ITGA7: variants seen among roughly 807,000 people sequenced by gnomAD.
The protein encoded by ITGA7 is integrin alpha-7.
In ITGA7, 84 loss-of-function variants were observed where a neutral mutation model predicts 131.6. That is an observed-to-expected ratio of 0.64 (90% CI 0.54 to 0.77). The LOEUF (loss-of-function observed/expected upper bound fraction) is 0.77, where lower values mean the gene tolerates loss of function less well. Among genes scored for constraint, ITGA7 ranks in the 30% least tolerant of loss-of-function variants. The pLI, the probability that ITGA7 is intolerant of heterozygous loss-of-function variation, is 0.00. For synonymous variants in ITGA7, 548 were observed against 600.7 expected (o/e 0.91, Z 1.28); for missense variants, 1,399 against 1,482.9 (o/e 0.94, Z 0.93).
chr12:55,707,945 CCG>C, upstream of ITGA7: 1 of 1,348,850 alleles, frequency 7.4e-7, no homozygotes, highest in Non-Finnish European at 9.5e-7. Flanking sequence ...CACTCAGGCC[CCG>C]CCTCCGGCCC....
chr12:55,707,757 C>A lies in ITGA7; in HGVS notation c.-75G>T. ...GCCCCAAGCCCCAGGTCCCCCCAGG[C>A]GCGTCTCTGGTCTCCAAAGTCTCGT... is the stretch of plus-strand genomic sequence containing the variant. On this transcript the variant is annotated 5_prime_UTR_variant, in exon 1 of 25. Coordinates refer to ENST00000257879, the MANE Select transcript of ITGA7 (RefSeq NM_002206.3). 1.9e-6 allele frequency: 3 copies of A among 1,547,508 alleles called. No homozygotes were observed. Among genetic ancestry groups the A allele is most frequent in the Non-Finnish European group, 2.6e-6 (3 of 1,145,654 alleles).
Position 55,698,794 on chromosome 12 carries a change from AG to A in ITGA7, c.913del (p.Leu305TrpfsTer12). The A allele has an allele frequency of 1.2e-6, 2 of 1,614,102 alleles. No homozygotes were observed. Among genetic ancestry groups the A allele is most frequent in the South Asian group, 2.2e-5 (2 of 91,082 alleles). On this transcript the variant is annotated frameshift_variant, in exon 6 of 25. Coordinates refer to ENST00000257879, the MANE Select transcript of ITGA7 (RefSeq NM_002206.3). LOFTEE classifies it high-confidence loss of function. ...CCCAGACAGCATAACCTCGGGCACCAGGCGACTGGCGCTGTCCTTGCGCAGG... is the reference window on the plus strand; with the variant it reads ...CCCAGACAGCATAACCTCGGGCACCAGCGACTGGCGCTGTCCTTGCGCAGG... ...VILRKDSASR[L>X]VPEVMLSGER...
chr12:55,697,199 G>C lies in ITGA7; in HGVS notation c.1567+17C>G, dbSNP rs779675449. 3.8e-6 allele frequency: 6 copies of C among 1,591,166 alleles called. No individual in the cohort carries two copies. The highest frequency in any genetic ancestry group is 3.3e-4 in the Middle Eastern group (2 of 6,036). ...GAAACCCAAAAGGGCGAGCCACAGA[G>C]GGGGGACCGCACTCACCCACAGTAG... On this transcript the variant is annotated intron_variant, in intron 11 of 24. Coordinates refer to ENST00000257879, the MANE Select transcript of ITGA7 (RefSeq NM_002206.3).
At chr12:55,700,648 G>T (rs1299769030) in intron 4 of ITGA7, 8 of 639,536 alleles carry the variant, frequency 1.3e-5, no homozygotes, top group African/African-American at 1.8e-5. Flanking sequence ...GAGCATGCAG[G>T]CCCCAGCTGC....
At chr12:55,713,123 GC>G (rs201499400), upstream of ITGA7, among the ~76,000 whole-genome samples, 1,969 of 151,280 alleles carry the variant, frequency 0.013, 38 homozygotes, top group African/African-American at 0.046. Context: ...TCTCTTCCAG[GC>G]CCCACAGCTC....
upstream of ITGA7, among the ~76,000 whole-genome samples, chr12:55,713,354 G>T (rs776399485): frequency 3.3e-5 from 5 of 152,148 alleles, no homozygotes; most frequent in Non-Finnish European, 5.9e-5. Flanking sequence ...AAGCTAGAGG[G>T]GCATAATGAT....
rs149000088 is a variant in ITGA7, at chr12:55,701,110, G to A, written c.459C>T (p.Ile153=). The A allele has an allele frequency of 1.9e-6, 3 of 1,614,234 alleles. No homozygotes were observed. The highest frequency in any genetic ancestry group is 2.5e-6 in the Non-Finnish European group (3 of 1,180,030). ...RYEARQRVDQ[I]LETRDMIGRC... ...GACCAATCATATCCCGCGTCTCCAG[G>A]ATCTGGTCCACTCGCTGCCTTGCCT... The change falls in exon 4 of 25, where the codon ATC becomes ATT. Residue 153 remains isoleucine, a synonymous_variant. Coordinates refer to ENST00000257879, the MANE Select transcript of ITGA7 (RefSeq NM_002206.3).
Position 55,698,552 on chromosome 12 carries a change from G to A in ITGA7, c.1023C>T (p.Ala341=), listed in dbSNP as rs367953820. The A allele has an allele frequency of 1.8e-4, 291 of 1,614,016 alleles. No homozygotes were observed. Among genetic ancestry groups the A allele is most frequent in the Non-Finnish European group, 2.3e-4 (274 of 1,180,024 alleles). Residue 341 remains alanine (A), a synonymous_variant, in exon 7 of 25, where the codon GCC becomes GCT. Transcript: ENST00000257879. ...SDGWPDLIVG[A]PYFFERQEEL... is the part of the protein sequence containing the mutation. ...CTTCTTGGCGCTCAAAGAAGTAGGGGGCACCCACTATCAGGTCTGGCCAGC... is the reference window on the plus strand; with the variant it reads ...CTTCTTGGCGCTCAAAGAAGTAGGGAGCACCCACTATCAGGTCTGGCCAGC...
chr12:55,697,512 A>C lies in ITGA7; in HGVS notation c.1444T>G (p.Ser482Ala). The change falls in exon 10 of 25, where the codon TCT (serine) becomes GCT (alanine). Residue 482 changes from serine (S) to alanine (A), a missense_variant. Coordinates refer to ENST00000257879, the MANE Select transcript of ITGA7 (RefSeq NM_002206.3). ...AGGTCGATGCTTCGTGGAGCAATAG[A>C]GACCTCATGGGAGACATGGAGGATG... ...RPILHVSHEVSIAPRSIDLEQ... is the reference protein window; with the variant it reads ...RPILHVSHEVAIAPRSIDLEQ... The C allele has an allele frequency of 6.2e-7, 1 of 1,614,130 alleles. No individual in the cohort carries two copies. Among genetic ancestry groups the C allele is most frequent in the Non-Finnish European group, 8.5e-7 (1 of 1,180,036 alleles).
chr12:55,687,165 A>ATT (rs1327697912), intron 24 of ITGA7, among the ~76,000 whole-genome samples: 4 of 115,502 alleles, frequency 3.5e-5, no homozygotes, highest in African/African-American at 1.3e-4. Context: ...TCTGCATCTG[A>ATT]TTTCTTTTTT....
rs747658567 is a variant in ITGA7 at position 55,698,936 on chromosome 12, AC to A, written c.791-20del. On this transcript the variant is annotated intron_variant, in intron 5 of 24. Coordinates refer to ENST00000257879, the MANE Select transcript of ITGA7 (RefSeq NM_002206.3). Reference sequence around the variant, plus strand: ...GAGAAGCCTGGGGGAAGGGTGACTTACCCCTAAGTCTTCACCCCAAGACTCA... The same window carrying A: ...GAGAAGCCTGGGGGAAGGGTGACTTACCCTAAGTCTTCACCCCAAGACTCA... 4.4e-6 allele frequency: 7 copies of A among 1,585,552 alleles called. No individual in the cohort carries two copies. Among genetic ancestry groups the A allele is most frequent in the Non-Finnish European group, 6.0e-6 (7 of 1,163,936 alleles).
chr12:55,710,091 T>C (rs1174227442), upstream of ITGA7, among the ~76,000 whole-genome samples: 1 of 152,208 alleles, frequency 6.6e-6, no homozygotes, highest in Non-Finnish European at 1.5e-5. Context: ...CCGGGCGCGG[T>C]GGCTCACGCC....
chr12:55,701,251 A>T, intron 3 of ITGA7, 97 bp from the exon 4 acceptor site: 2 of 1,593,718 alleles, frequency 1.3e-6, no homozygotes, highest in South Asian at 1.1e-5. Context: ...ATACTGATAC[A>T]TGTGTGCTCA....
chr12:55,688,735 AAG>A (rs1565612420), intron 22 of ITGA7, 107 bp downstream of exon 22: 28 of 786,080 alleles, frequency 3.6e-5, no homozygotes, highest in East Asian at 1.6e-4. Flanking sequence ...AAAAAAAAAA[AAG>A]GGGGGGGATG....
chr12:55,703,149 G>C lies in ITGA7; in HGVS notation c.236C>G (p.Ala79Gly). The stretch of plus-strand genomic sequence containing the variant: ...GCGATTCGCCTGCTGCCCAGGAAGA[G>C]CCAGGGCCTGGGGAGCACCCACCAG... ...WLLVGAPQAL[A>G]LPGQQANRTG... The change falls in exon 2 of 25, where the codon GCT (alanine) becomes GGT (glycine). Residue 79 changes from alanine (A) to glycine (G), a missense_variant. Physicochemically the swap from Ala to Gly is moderately conservative, Grantham distance 60. Transcript: ENST00000257879. 1 of 1,612,258 alleles carries C rather than the reference G, an allele frequency of 6.2e-7. No homozygotes were observed. Among genetic ancestry groups the C allele is most frequent in the Non-Finnish European group, 8.5e-7 (1 of 1,179,974 alleles).
In ITGA7 at chr12:55,684,896, G is replaced by A. The variant is rs1869730872; in HGVS notation, c.*162C>T. 1 of 620,634 alleles carries A rather than the reference G, an allele frequency of 1.6e-6. No individual in the cohort carries two copies. Among genetic ancestry groups the A allele is most frequent in the South Asian group, 2.0e-5 (1 of 49,546 alleles). The allele number at this position is 620,634 out of a possible 1,614,324, so 38.4% of individuals were successfully genotyped here. The stretch of plus-strand genomic sequence containing the variant: ...ACAGCACTCTAAGGGGAAGTTGGGT[G>A]GGAGGAGTTCTTGTGGGTGGGAGAG... On this transcript the variant is annotated 3_prime_UTR_variant, in exon 25 of 25. Transcript: ENST00000257879.
chr12:55,688,380 T>C lies in ITGA7; in HGVS notation c.2959-80A>G, dbSNP rs190461117. On this transcript the variant is annotated intron_variant, in intron 22 of 24. Transcript: ENST00000257879. ...TCCCCTTACCTCCTGAAATTATAAA[T>C]GTAATGGTGCCCAACACAGAGGATG... 81 of 1,024,512 alleles carry C rather than the reference T, an allele frequency of 7.9e-5. No homozygotes were observed. The East Asian group carries it at 2.0e-3, about 25-fold the overall frequency. 63.5% of individuals were successfully genotyped at this position (1,024,512 alleles called of 1,614,324 possible). A position where few individuals can be genotyped will look rare whatever the true frequency, so the allele number is the denominator to read the frequency against.
rs1871756362 is a variant in ITGA7 at position 55,692,885 on chromosome 12, A to C, written c.2803T>G (p.Trp935Gly). 6.2e-7 allele frequency: 1 copy of C among 1,613,992 alleles called. No homozygotes were observed. The highest frequency in any genetic ancestry group is 1.7e-5 in the Admixed American group (1 of 60,004). Residue 935 changes from tryptophan to glycine, a missense_variant, in exon 21 of 25, where the codon TGG becomes GGG. Transcript: ENST00000257879. ...TTCTTCTCAGCAGAGGACACTGGCC[A>C]CCAGGACATGCTGGGCTCCTGCCGC... ...GERQEPSMSW[W>G]PVSSAEKKKN...
intron 3 of ITGA7, chr12:55,701,554 T>C: frequency 1.3e-6 from 1 of 799,668 alleles, no homozygotes; most frequent in Non-Finnish European, 2.1e-6. Flanking sequence ...TGCAAAGAAC[T>C]TCCTGTCCGC....
Sources: allele counts gnomAD v4.1 joint callset (sites outside exome capture counted in the v4.1 genomes callset), GRCh38; gene constraint gnomAD v4.1.1; transcripts MANE v1.5; gene names NCBI Gene and HGNC (gene_info 2026-07-23, HGNC 2026-07-21).